The following GPR89A variants were observed in gnomAD, a reference collection of about 807,000 sequenced individuals.
GPR89A encodes the protein G protein-coupled receptor 89A.
In GPR89A, 16 loss-of-function variants were observed where a neutral mutation model predicts 52.0. The ratio of observed to expected loss-of-function variants is 0.31; its 90% CI spans 0.21 to 0.47. The LOEUF is 0.47. GPR89A is among the 20% of genes least tolerant of loss of function. The probability of loss-of-function intolerance (pLI) is 1.00; values close to 1 mark genes in which losing one functional copy is unlikely to be tolerated. For synonymous variants in GPR89A, 55 were observed against 150.9 expected (o/e 0.36, Z 4.66); for missense variants, 135 against 449.4 (o/e 0.30, Z 6.33).
intron 1 of GPR89A, among the ~76,000 whole-genome samples, chr1:145,615,450 C>A (rs1648608540): frequency 6.6e-6 from 1 of 151,574 alleles, no homozygotes; most frequent in South Asian, 2.1e-4. Context: ...CTCAGGTGAT[C>A]TTCCCACCTC....
chr1:145,648,864 A>G (rs1463695441), intron 10 of GPR89A, among the ~76,000 whole-genome samples: 4 of 126,984 alleles, frequency 3.1e-5, no homozygotes, highest in Admixed American at 9.1e-5. Flanking sequence ...GTGCAGTGGC[A>G]TGATCTCGGC....
chr1:145,609,616 T>G (rs1446655101), intron 1 of GPR89A, among the ~76,000 whole-genome samples: 1 of 152,226 alleles, frequency 6.6e-6, no homozygotes, highest in African/African-American at 2.4e-5. Context: ...TCTTTTCATT[T>G]AGAATAAAGA....
At chr1:145,662,559 C>T (rs1258262489) in intron 10 of GPR89A, among the ~76,000 whole-genome samples, 2 of 151,956 alleles carry the variant, frequency 1.3e-5, no homozygotes, top group Admixed American at 6.6e-5. Context: ...TCTGCCATTT[C>T]ATTGACATGT....
At chr1:145,663,529 T>G (rs1652353162) in intron 11 of GPR89A, 105 bp downstream of exon 11, 2 of 1,346,382 alleles carry the variant, frequency 1.5e-6, no homozygotes, top group Non-Finnish European at 2.0e-6. Context: ...TTGCTTCTGC[T>G]TTTGTTCTTC....
intron 5 of GPR89A, among the ~76,000 whole-genome samples, chr1:145,624,728 A>G (rs1195934464): frequency 7.7e-6 from 1 of 130,592 alleles, no homozygotes; most frequent in African/African-American, 3.1e-5. Context: ...ATACTAAACT[A>G]GAAAACCTCA....
At chr1:145,666,180 A>G (rs1262100775) in intron 12 of GPR89A, among the ~76,000 whole-genome samples, 1 of 143,172 alleles carries the variant, frequency 7.0e-6, no homozygotes, top group Non-Finnish European at 1.5e-5. Flanking sequence ...TACATTCACT[A>G]AAGGTGATAG....
At chr1:145,666,952 A>T (rs1306135186) in intron 12 of GPR89A, among the ~76,000 whole-genome samples, 4 of 152,070 alleles carry the variant, frequency 2.6e-5, no homozygotes, top group Admixed American at 2.0e-4. Context: ...CCAGTCTATC[A>T]TTGATGGACA....
At chr1:145,660,200 G>GA (rs1222890439) in intron 10 of GPR89A, among the ~76,000 whole-genome samples, 7 of 152,132 alleles carry the variant, frequency 4.6e-5, no homozygotes, top group Non-Finnish European at 8.8e-5. Flanking sequence ...AAGCAATGGG[G>GA]AAAGGATTCC....
At chr1:145,627,440 A>C (rs1202768998) in intron 5 of GPR89A, among the ~76,000 whole-genome samples, 1 of 151,408 alleles carries the variant, frequency 6.6e-6, no homozygotes, top group African/African-American at 2.4e-5. Context: ...AGTAAGGAAA[A>C]CAAAGATCAA....
chr1:145,668,759 T>C (rs1571554924), intron 12 of GPR89A, among the ~76,000 whole-genome samples: 1 of 152,240 alleles, frequency 6.6e-6, no homozygotes, highest in East Asian at 1.9e-4. Flanking sequence ...AATACCTAAT[T>C]TATTGAGTTT....
At chr1:145,657,873 CATACA>C (rs1273190952) in intron 10 of GPR89A, among the ~76,000 whole-genome samples, 3 of 150,158 alleles carry the variant, frequency 2.0e-5, no homozygotes, top group South Asian at 2.1e-4. Context: ...ATATAATTCA[CATACA>C]ATACAATATA....
intron 7 of GPR89A, among the ~76,000 whole-genome samples, chr1:145,635,239 T>C (rs1571498238): frequency 1.3e-5 from 2 of 152,206 alleles, no homozygotes; most frequent in African/African-American, 4.8e-5. Context: ...ACCCCATCTC[T>C]ACTAAAGATA....
intron 7 of GPR89A, among the ~76,000 whole-genome samples, chr1:145,634,883 G>T (rs1423154672): frequency 6.6e-6 from 1 of 151,862 alleles, no homozygotes; most frequent in Non-Finnish European, 1.5e-5. Context: ...CCTAGTTTAC[G>T]CCAGGCACTG....
Position 145,610,366 on chromosome 1 carries a change from C to T in GPR89A, c.42+2191C>T, listed in dbSNP as rs1385263443. On this transcript the variant is annotated intron_variant, in intron 1 of 13. Transcript: ENST00000313835. ...CTTTTCAGGTCCCTTATTGATGGGA[C>T]CCTGGCTCTTCTCTCTTCAGCTGTG... Among the ~76,000 whole-genome samples the T allele has an allele frequency of 7.2e-5, 11 of 152,066 alleles. 1 individual carries two copies. The highest frequency in any genetic ancestry group is 1.3e-4 in the Non-Finnish European group (9 of 67,996).
intron 11 of GPR89A, 84 bp downstream of exon 11, chr1:145,663,508 A>G (rs1467226363): frequency 6.4e-7 from 1 of 1,560,888 alleles, no homozygotes. Context: ...TAATTTGTAT[A>G]CTTTAGGTAC....
chr1:145,635,683 A>T (rs1650185918), intron 7 of GPR89A, among the ~76,000 whole-genome samples: 1 of 152,240 alleles, frequency 6.6e-6, no homozygotes, highest in Non-Finnish European at 1.5e-5. Context: ...AGAAATGAAT[A>T]TATAAAAGTG....
intron 1 of GPR89A, among the ~76,000 whole-genome samples, chr1:145,613,515 C>T (rs1225694299): frequency 1.1e-4 from 17 of 152,150 alleles, no homozygotes; most frequent in Non-Finnish European, 2.4e-4. Flanking sequence ...CATTTCCCTG[C>T]TTAAATAACC....
At chr1:145,656,641 T>G (rs1254727194) in intron 10 of GPR89A, among the ~76,000 whole-genome samples, 1 of 152,198 alleles carries the variant, frequency 6.6e-6, no homozygotes, top group Non-Finnish European at 1.5e-5. Flanking sequence ...TTTAATTAAG[T>G]TGTTCCTTTC....
intron 7 of GPR89A, among the ~76,000 whole-genome samples, chr1:145,636,265 A>T (rs1338653299): frequency 6.6e-6 from 1 of 150,888 alleles, no homozygotes; most frequent in African/African-American, 2.4e-5. Context: ...GATTCATATA[A>T]TGCCCTTGCC....
Sources: allele counts gnomAD v4.1 joint callset (sites outside exome capture counted in the v4.1 genomes callset), GRCh38; gene constraint gnomAD v4.1.1; transcripts MANE v1.5; gene names NCBI Gene and HGNC (gene_info 2026-07-23, HGNC 2026-07-21).